The following MAP3K15 variants were observed in gnomAD, a reference collection of about 807,000 sequenced individuals.
MAP3K15 encodes the protein mitogen-activated protein kinase kinase kinase 15.
A neutral mutation model predicts 99.5 loss-of-function variants in MAP3K15; 124 were observed. The ratio of observed to expected loss-of-function variants is 1.25; its 90% confidence interval spans 1.08 to 1.45. The LOEUF is 1.45. MAP3K15 is among the 40% of genes most tolerant of loss of function. The pLI is 0.00. For synonymous variants in MAP3K15, 494 were observed against 439.6 expected (o/e 1.12, Z -1.55); for missense variants, 1,242 against 1,079.7 (o/e 1.15, Z -2.11).
At chrX:19,496,886 G>A (rs973070861) in intron 1 of MAP3K15, 1 of 107,972 alleles carries the variant, frequency 9.3e-6, no homozygotes, top group Non-Finnish European at 1.9e-5. Flanking sequence ...TGTCCCCTAC[G>A]CTTCCTCAGC....
In MAP3K15 at chrX:19,398,250, T is replaced by C. The variant is rs1031409891; in HGVS notation, c.2042A>G (p.Lys681Arg). 9.1e-6 allele frequency: 11 copies of C among 1,209,190 alleles called. No homozygotes were observed. The highest frequency in any genetic ancestry group is 7.0e-5 in the South Asian group (4 of 56,760). The change falls in exon 15 of 29, where the codon AAA becomes AGA. Residue 681 changes from lysine (K) to arginine (R), a missense_variant. Physicochemically the swap from Lys to Arg is conservative, Grantham distance 26. Transcript: ENST00000338883. ...DLSNQVRIAI[K>R]EIPERDSRYS... Reference sequence around the variant, plus strand: ...CCTGCTATCTCTCTCCGGGATTTCTTTGATGGCTATTCGCACTTGATTGCT... The same window carrying C: ...CCTGCTATCTCTCTCCGGGATTTCTCTGATGGCTATTCGCACTTGATTGCT...
chrX:19,387,328 G>C (rs1039932661), intron 18 of MAP3K15, among the ~76,000 whole-genome samples: 5 of 112,043 alleles, frequency 4.5e-5, no homozygotes, highest in Admixed American at 9.5e-5. Context: ...CTGGACACCA[G>C]ATGGGGGACC....
chrX:19,393,760 CTTTTTTTTTTTTT>C (rs761246318), intron 16 of MAP3K15, among the ~76,000 whole-genome samples: 50 of 60,244 alleles, frequency 8.3e-4, no homozygotes, highest in African/African-American at 3.4e-3. Flanking sequence ...CTGCCTGGCT[CTTTTTTTTTTTTT>C]TTTTTTTTTT....
intron 1 of MAP3K15, among the ~76,000 whole-genome samples, chrX:19,499,579 A>G (rs1226693212): frequency 1.8e-5 from 2 of 112,678 alleles, no homozygotes; most frequent in Non-Finnish European, 3.7e-5. Context: ...TAACCGGTAT[A>G]TTCTTACAAT....
chrX:19,441,786 T>C (rs771029209), intron 6 of MAP3K15, among the ~76,000 whole-genome samples: 1 of 111,597 alleles, frequency 9.0e-6, no homozygotes, highest in South Asian at 3.8e-4. Flanking sequence ...GGTATGAGAA[T>C]TACATCTCAG....
rs1342097035 is a variant in MAP3K15 at position 19,392,477 on chromosome X, G to C, written c.2195-4C>G. 5.0e-6 allele frequency: 6 copies of C among 1,198,907 alleles called. No homozygotes were observed. Among genetic ancestry groups the C allele is most frequent in the Admixed American group, 4.7e-5 (2 of 42,923 alleles). On this transcript the variant is annotated splice_polypyrimidine_tract_variant and splice_region_variant and intron_variant, in intron 16 of 28. Coordinates refer to ENST00000338883, the MANE Select transcript of MAP3K15 (RefSeq NM_001001671.4). ...CGCAGAAGAGCAGAAAGGCTTCCTA[G>C]AGACAGTCACAGCAAAAAACTTATC...
intron 1 of MAP3K15, among the ~76,000 whole-genome samples, chrX:19,504,166 A>G (rs2064459461): frequency 9.1e-6 from 1 of 110,178 alleles, no homozygotes; most frequent in Non-Finnish European, 1.9e-5. Flanking sequence ...AAAGAGATGT[A>G]TTTAGGTATT....
chrX:19,457,385 G>C (rs2064100997), intron 5 of MAP3K15, among the ~76,000 whole-genome samples: 1 of 111,806 alleles, frequency 8.9e-6, no homozygotes, highest in Admixed American at 9.5e-5. Flanking sequence ...GCGGAGGTGG[G>C]TGGATCACTT....
chrX:19,482,075 G>A (rs1372714034), intron 3 of MAP3K15: 1 of 106,948 alleles, frequency 9.4e-6, no homozygotes, highest in African/African-American at 3.5e-5. Flanking sequence ...AGCTACTCAG[G>A]AGGCTGAGGC....
chrX:19,511,988 A>G (rs113030461), intron 1 of MAP3K15, among the ~76,000 whole-genome samples: 2,064 of 112,090 alleles, frequency 0.018, 57 homozygotes, highest in African/African-American at 0.063. Context: ...CTATGCAGCC[A>G]TGAAAAAGGA....
At chrX:19,370,588 G>T (rs773327149) in intron 24 of MAP3K15, among the ~76,000 whole-genome samples, 41 of 110,093 alleles carry the variant, frequency 3.7e-4, no homozygotes, top group Admixed American at 3.6e-3. Context: ...GTAGAGACGG[G>T]GTTTCACTAT....
At chrX:19,371,676 C>T in intron 22 of MAP3K15, 146 bp from the exon 23 acceptor site, 1 of 513,487 alleles carries the variant, frequency 1.9e-6, no homozygotes, top group African/African-American at 2.3e-5. Context: ...CCCTCCATAA[C>T]CTTCCTGTCA....
chrX:19,382,784 G>C (rs1048228895), intron 18 of MAP3K15, among the ~76,000 whole-genome samples: 2 of 111,954 alleles, frequency 1.8e-5, no homozygotes, highest in Non-Finnish European at 3.8e-5. Context: ...GTAACAGAGG[G>C]AGAGGTCTTG....
At position 19,361,573 on chromosome X, in the gene MAP3K15, C is replaced by T; in HGVS notation, c.3700G>A (p.Gly1234Ser). ...TTATCTGTTCTCTGCCCGTAGGGGC[C>T]TGCTGGGTTCTCTGTAATACCTGTA... Reference protein sequence around the residue: ...KSNCITENPAGPYGQRTDKEL... With the variant: ...KSNCITENPASPYGQRTDKEL... Residue 1234 changes from glycine to serine, a missense_variant, in exon 27 of 29, where the codon GGC (glycine) becomes AGC (serine). By Grantham distance (56) the Gly-to-Ser change is moderately conservative. Coordinates refer to ENST00000338883, the MANE Select transcript of MAP3K15 (RefSeq NM_001001671.4). The T allele has an allele frequency of 8.3e-7, 1 of 1,207,619 alleles. No individual in the cohort carries two copies.
At chrX:19,438,537 C>T (rs916511169) in intron 6 of MAP3K15, among the ~76,000 whole-genome samples, 1 of 112,241 alleles carries the variant, frequency 8.9e-6, no homozygotes, top group Non-Finnish European at 1.9e-5. Context: ...CCTTCTGTGC[C>T]TCAGTCCTTC....
intron 9 of MAP3K15, among the ~76,000 whole-genome samples, chrX:19,420,800 C>T (rs756425603): frequency 1.3e-4 from 15 of 111,803 alleles, no homozygotes; most frequent in African/African-American, 4.5e-4. Context: ...TACTGGCAAA[C>T]GGAATCCAGC....
chrX:19,444,932 G>A (rs1287526453), intron 6 of MAP3K15, among the ~76,000 whole-genome samples: 1 of 110,469 alleles, frequency 9.1e-6, no homozygotes, highest in African/African-American at 3.3e-5. Flanking sequence ...ACCCCTGGGA[G>A]TGTCCCACCC....
intron 18 of MAP3K15, among the ~76,000 whole-genome samples, chrX:19,389,022 G>A (rs1375665187): frequency 1.8e-5 from 2 of 111,260 alleles, no homozygotes; most frequent in African/African-American, 6.5e-5. Flanking sequence ...AGGACTCAAC[G>A]TGCAAGAAGC....
chrX:19,476,041 G>T (rs1376824614), intron 3 of MAP3K15, among the ~76,000 whole-genome samples: 1 of 112,010 alleles, frequency 8.9e-6, no homozygotes, highest in Non-Finnish European at 1.9e-5. Flanking sequence ...GCAGCACAGG[G>T]TTTATAAATT....
Sources: gnomAD v4.1 joint callset for allele counts (sites outside exome capture counted in the v4.1 genomes callset) on GRCh38, gnomAD v4.1.1 for gene constraint, MANE v1.5 for transcripts, NCBI Gene and HGNC (gene_info 2026-07-23, HGNC 2026-07-21) for gene names.